The following EDNRB variants were observed in gnomAD, a reference collection of about 807,000 sequenced individuals.
EDNRB encodes the protein endothelin receptor type B.
EDNRB carries 18 observed loss-of-function variants against 46.4 expected under a neutral mutation model. The ratio of observed to expected loss-of-function variants is 0.39; its 90% CI spans 0.27 to 0.57. The LOEUF is 0.57. EDNRB is among the 20% of genes least tolerant of loss of function. The probability of loss-of-function intolerance (pLI) is 0.61; values close to 1 mark genes in which losing one functional copy is unlikely to be tolerated. For synonymous variants in EDNRB, 213 were observed against 204.9 expected, an observed-to-expected ratio of 1.04 and a Z score of -0.34; for missense variants, 434 against 537.5, an observed-to-expected ratio of 0.81 and a Z score of 1.90.
chr13:77,936,652 G>A (rs1171409275), intron 1 of EDNRB, among the ~76,000 whole-genome samples: 1 of 152,208 alleles, frequency 6.6e-6, no homozygotes, highest in African/African-American at 2.4e-5. Context: ...TCCAGGGGCT[G>A]TGGAAGTGGC....
At chr13:77,918,972 G>T, upstream of EDNRB, 1 of 1,048,416 alleles carries the variant, frequency 9.5e-7, no homozygotes, top group Non-Finnish European at 1.2e-6. This position sits in a 1 kb window ranked among gnomAD's most constrained non-coding sequence, Gnocchi z 4.5. Flanking sequence ...ACACGTCTTA[G>T]TTAAGCGTGC....
chr13:77,907,331 T>C (rs1294431345), intron 1 of EDNRB, among the ~76,000 whole-genome samples: 1 of 151,966 alleles, frequency 6.6e-6, no homozygotes, highest in Non-Finnish European at 1.5e-5. Context: ...TTTTTCTTCC[T>C]ATCTGGAATG....
intron 1 of EDNRB, among the ~76,000 whole-genome samples, chr13:77,911,580 G>A (rs915890027): frequency 1.3e-5 from 2 of 152,030 alleles, no homozygotes; most frequent in African/African-American, 4.8e-5. Context: ...GGGGAGACTT[G>A]CTTGAGAAAT....
intron 1 of EDNRB, among the ~76,000 whole-genome samples, chr13:77,973,339 C>G (rs988891765): frequency 5.9e-5 from 9 of 151,914 alleles, no homozygotes; most frequent in African/African-American, 2.2e-4. Context: ...TTAATAAAAC[C>G]TTGCAGACAT....
chr13:77,959,976 T>G lies in EDNRB; in HGVS notation c.-52+15371A>C, dbSNP rs139096838. ...AAATGAATGAAATGAAGTGAGAAGA[T>G]AAGTTTAGAGAAAAAAGAGTAAAAA... On this transcript the variant is annotated intron_variant, in intron 1 of 7. Transcript: ENST00000646948. Among the ~76,000 whole-genome samples, 934 of 151,990 alleles carry G rather than the reference T, an allele frequency of 6.1e-3. 10 individuals are homozygous for G. Among genetic ancestry groups the G allele is most frequent in the African/African-American group, 0.021 (860 of 41,452 alleles).
rs181481590 is a variant in EDNRB, at chr13:77,954,614, C to T, written c.-52+20733G>A. Among the ~76,000 whole-genome samples, 940 of 151,942 alleles carry T rather than the reference C, an allele frequency of 6.2e-3. 8 individuals carry two copies. The highest frequency in any genetic ancestry group is 0.01 in the Admixed American group (154 of 15,240). On this transcript the variant is annotated intron_variant, in intron 1 of 7. Transcript: ENST00000646948. ...GCCATCTTCACCTCCTGGGTTCAAG[C>T]GATTCTCCTGCCTCAACCTGTAGCT...
chr13:77,948,715 T>C (rs1260117945), intron 1 of EDNRB, among the ~76,000 whole-genome samples: 2 of 152,232 alleles, frequency 1.3e-5, no homozygotes, highest in Non-Finnish European at 2.9e-5. Context: ...AGAATATTGA[T>C]ATTCTGTTTC....
chr13:77,924,775 G>T (rs953413144), intron 1 of EDNRB, among the ~76,000 whole-genome samples: 1 of 152,056 alleles, frequency 6.6e-6, no homozygotes, highest in Non-Finnish European at 1.5e-5. Flanking sequence ...GAATTATGGG[G>T]GCAGGTCTTT....
At chr13:77,941,300 A>AT (rs1460622283) in intron 1 of EDNRB, among the ~76,000 whole-genome samples, 1 of 152,028 alleles carries the variant, frequency 6.6e-6, no homozygotes, top group Non-Finnish European at 1.5e-5. Flanking sequence ...TCATTGGATA[A>AT]TTTTTTTTAA....
At chr13:77,969,514 G>T (rs1236939862) in intron 1 of EDNRB, among the ~76,000 whole-genome samples, 1 of 152,114 alleles carries the variant, frequency 6.6e-6, no homozygotes, top group Non-Finnish European at 1.5e-5. Context: ...ATGGTAGTTT[G>T]GGTCTGAGAA....
At position 77,899,713 on chromosome 13, in the gene EDNRB, G is replaced by T. The variant is rs910220651; in HGVS notation, c.1194+146C>A. On this transcript the variant is annotated intron_variant, in intron 6 of 6. Coordinates refer to ENST00000646607, the MANE Select transcript of EDNRB (RefSeq NM_001122659.3). ...TTATAGTGATTTACAAGCAAAAGTT[G>T]TATTTAAAAAAATCATCCATGATGT... The T allele has an allele frequency of 7.5e-6, 5 of 666,654 alleles. No homozygotes were observed. The African/African-American group carries it at 9.2e-5, about 12-fold the overall frequency. 41.3% of individuals were successfully genotyped at this position (666,654 alleles called of 1,614,324 possible).
At chr13:77,933,031 A>G (rs1880447725) in intron 1 of EDNRB, among the ~76,000 whole-genome samples, 2 of 152,230 alleles carry the variant, frequency 1.3e-5, no homozygotes, top group African/African-American at 4.8e-5. Flanking sequence ...TGTGTTATAT[A>G]TGTTTAAGAT....
At chr13:77,916,016 T>C (rs1879790657) in intron 1 of EDNRB, among the ~76,000 whole-genome samples, 1 of 152,168 alleles carries the variant, frequency 6.6e-6, no homozygotes, top group Admixed American at 6.5e-5. Flanking sequence ...AATAAGATGG[T>C]TCTGGAAGAG....
chr13:77,968,405 G>A (rs1002085379), intron 1 of EDNRB, among the ~76,000 whole-genome samples: 6 of 152,042 alleles, frequency 3.9e-5, no homozygotes, highest in African/African-American at 1.4e-4. Flanking sequence ...TTGTGAAGTA[G>A]ATTCTCTTTT....
chr13:77,965,774 A>C (rs1168109780), intron 1 of EDNRB, among the ~76,000 whole-genome samples: 2 of 152,194 alleles, frequency 1.3e-5, no homozygotes, highest in African/African-American at 4.8e-5. Flanking sequence ...GGAAATAGGA[A>C]GCTCTAGATA....
At chr13:77,973,398 C>CT (rs1159070489) in intron 1 of EDNRB, among the ~76,000 whole-genome samples, 3 of 152,082 alleles carry the variant, frequency 2.0e-5, no homozygotes, top group Non-Finnish European at 2.9e-5. Context: ...TTTATAGACT[C>CT]TTTTTAACAT....
rs1176758104 is a variant in EDNRB at position 77,902,287 on chromosome 13, A to G, written c.801+869T>C. On this transcript the variant is annotated intron_variant, in intron 3 of 6. Transcript: ENST00000646607. ...GATTACGTAGTAGTTGTCAGTCCTT[A>G]TGGGGCTGTAGGATACAGTAAATTC... is the stretch of plus-strand genomic sequence containing the variant. 2.0e-5 allele frequency among the ~76,000 whole-genome samples: 3 copies of G among 151,874 alleles called. No homozygotes were observed. The East Asian group carries it at 5.8e-4, about 30-fold the overall frequency.
chr13:77,964,768 A>C (rs577069788), intron 1 of EDNRB, among the ~76,000 whole-genome samples: 31 of 152,182 alleles, frequency 2.0e-4, no homozygotes, highest in African/African-American at 7.5e-4. Context: ...CCTAGAACTT[A>C]AAGTATAATA....
chr13:77,950,357 G>A (rs369990392), intron 1 of EDNRB, among the ~76,000 whole-genome samples: 54 of 152,330 alleles, frequency 3.5e-4, no homozygotes, highest in African/African-American at 1.3e-3. Flanking sequence ...TTGCTGGGCT[G>A]AGTTCCTCAG....
Sources: gnomAD v4.1 joint callset for allele counts (sites outside exome capture counted in the v4.1 genomes callset) on GRCh38, gnomAD v4.1.1 for gene constraint, Gnocchi (gnomAD v3.1) non-coding constraint, MANE v1.5 for transcripts, NCBI Gene and HGNC (gene_info 2026-07-23, HGNC 2026-07-21) for gene names.